SHC2: variants seen among roughly 807,000 people sequenced by gnomAD.
The protein encoded by SHC2 is SHC adaptor protein 2.
A neutral mutation model predicts 60.6 loss-of-function variants in SHC2; 62 were observed. The ratio of observed to expected loss-of-function variants is 1.02; its 90% confidence interval spans 0.83 to 1.26. The LOEUF (loss-of-function observed/expected upper bound fraction) is 1.26. SHC2 is among the 50% of genes most tolerant of loss of function. The probability of loss-of-function intolerance (pLI) is 0.00; values close to 1 mark genes in which losing one functional copy is unlikely to be tolerated. For synonymous variants in SHC2, 375 were observed against 372.4 expected (o/e 1.01, Z -0.08); for missense variants, 873 against 822.2 (o/e 1.06, Z -0.76).
rs542114526 is a variant in SHC2, at chr19:459,558, C to G, written c.468+971G>C. On this transcript the variant is annotated intron_variant, in intron 1 of 12. Coordinates refer to ENST00000264554, the MANE Select transcript of SHC2 (RefSeq NM_012435.3). ...GTAGAGGGAAGGACCCTACTGAACT[C>G]AGCGTAGGGGGAAGGACCCCACTGA... is the stretch of plus-strand genomic sequence containing the variant. Among the ~76,000 whole-genome samples, 179 of 148,252 alleles carry G rather than the reference C, an allele frequency of 1.2e-3. 3 individuals are homozygous for G. The highest frequency in any genetic ancestry group is 4.5e-3 in the African/African-American group (177 of 39,100).
chr19:428,040 G>T (rs1305942922), intron 9 of SHC2, among the ~76,000 whole-genome samples: 1 of 152,136 alleles, frequency 6.6e-6, no homozygotes, highest in Non-Finnish European at 1.5e-5. Flanking sequence ...ATCAGCCTGG[G>T]AAACAGTGAG....
rs951428562 is a variant in SHC2, at chr19:438,571, C to T, written c.720+147G>A. 11 of 978,408 alleles carry T rather than the reference C, an allele frequency of 1.1e-5. No homozygotes were observed. The African/African-American group carries it at 1.8e-4, about 16-fold the overall frequency. The allele number at this position is 978,408 out of a possible 1,614,324, so 60.6% of individuals were successfully genotyped here. A position where few individuals can be genotyped will look rare whatever the true frequency, so the allele number is the denominator to read the frequency against. On this transcript the variant is annotated intron_variant, in intron 4 of 12. Transcript: ENST00000264554. This position sits in a 1 kb window ranked among gnomAD's most constrained non-coding sequence, Gnocchi z 5.0. ...GCCCCGTGAGGGCAGTGGCTGCACCCCCAGCTCCTGCTCAGCGGGGCCTCG... is the reference window on the plus strand; with the variant it reads ...GCCCCGTGAGGGCAGTGGCTGCACCTCCAGCTCCTGCTCAGCGGGGCCTCG...
At chr19:423,582 C>G (rs1974334363) in intron 10 of SHC2, among the ~76,000 whole-genome samples, 1 of 61,644 alleles carries the variant, frequency 1.6e-5, no homozygotes, top group East Asian at 5.0e-4. Context: ...TCCCTGGTCT[C>G]CCGCCCCTCC....
chr19:451,770 G>C (rs1975205144), intron 1 of SHC2, among the ~76,000 whole-genome samples: 2 of 152,024 alleles, frequency 1.3e-5, no homozygotes, highest in African/African-American at 4.8e-5. Context: ...GCCAATTTTT[G>C]TATTTTTAGT....
At chr19:434,926 G>A (rs1330249549) in intron 7 of SHC2, 61 bp from the exon 8 acceptor site, 11 of 1,518,732 alleles carry the variant, frequency 7.2e-6, no homozygotes, top group East Asian at 4.7e-5. Context: ...AAAGCCTTAC[G>A]GCTTGAGCTT....
intron 9 of SHC2, among the ~76,000 whole-genome samples, chr19:429,080 G>A (rs1358458278): frequency 6.9e-6 from 1 of 145,424 alleles, no homozygotes; most frequent in Non-Finnish European, 1.5e-5. Flanking sequence ...ACCTCATACC[G>A]TGTGGATGAT....
At position 460,532 on chromosome 19, in the gene SHC2, C is replaced by T. The variant is rs763649322; in HGVS notation, c.465G>A (p.Val155=). The stretch of plus-strand genomic sequence containing the variant: ...GGGGGGGGTGGGGGGGACTCACCCG[C>T]ACGACGTAGGAGACCCCGGGCCCCA... The part of the protein sequence containing the change: ...RVLGPGVSYV[V]RYMGCIEVLR... Residue 155 remains valine (V), a synonymous_variant, in exon 1 of 13, where the codon GTG becomes GTA. Transcript: ENST00000264554. 8.8e-6 allele frequency: 12 copies of T among 1,361,628 alleles called. No individual in the cohort carries two copies. In the South Asian group the frequency reaches 1.8e-4, roughly 20 times the overall value. 84.3% of individuals were successfully genotyped at this position (1,361,628 alleles called of 1,614,324 possible). A position where few individuals can be genotyped will look rare whatever the true frequency, so the allele number is the denominator to read the frequency against.
intron 1 of SHC2, 62 bp downstream of exon 1, chr19:460,467 G>A (rs1212226146): frequency 3.4e-6 from 3 of 875,316 alleles, no homozygotes; most frequent in Non-Finnish European, 4.4e-6. Context: ...GGTCCCGGAG[G>A]AGAGGGTGGG....
rs764768477 is a variant in SHC2, at chr19:440,234, G to A, written c.539+628C>T. 3.6e-4 allele frequency among the ~76,000 whole-genome samples: 54 copies of A among 151,894 alleles called. No homozygotes were observed. Among genetic ancestry groups the A allele is most frequent in the Non-Finnish European group, 7.1e-4 (48 of 67,964 alleles). On this transcript the variant is annotated intron_variant, in intron 2 of 12. Coordinates refer to ENST00000264554, the MANE Select transcript of SHC2 (RefSeq NM_012435.3). The surrounding 1 kb of genome is among the most constrained non-coding windows in gnomAD (Gnocchi z 7.0). ...GCTGGGGAGGGGACGGGGAGTGGCT[G>A]TGATGGGGACGGGGTGTTTTGATGG...
rs1007170799 is a variant in SHC2 at position 450,812 on chromosome 19, ACGT to A, written c.468+9714_468+9716del. ...GCATGTGGATGGCCACGCCGTGGCC[ACGT>A]CATATTTCAGTGTGTGGATGGCCAC... On this transcript the variant is annotated intron_variant, in intron 1 of 12. Coordinates refer to ENST00000264554, the MANE Select transcript of SHC2 (RefSeq NM_012435.3). Among the ~76,000 whole-genome samples the A allele has an allele frequency of 7.3e-4, 109 of 149,632 alleles. 3 individuals carry two copies. The highest frequency in any genetic ancestry group is 2.6e-3 in the African/African-American group (106 of 40,418).
intron 1 of SHC2, among the ~76,000 whole-genome samples, chr19:442,912 C>T (rs147887807): frequency 0.014 from 50 of 3,686 alleles, no homozygotes; most frequent in East Asian, 0.021. Flanking sequence ...GATGGATGGA[C>T]GGGTGGGTGG....
At chr19:419,094 C>A (rs761972076) in intron 11 of SHC2, 38 bp from the exon 12 acceptor site, 42 of 1,539,736 alleles carry the variant, frequency 2.7e-5, no homozygotes, top group Non-Finnish European at 3.6e-5. Context: ...TCCCGGGAGC[C>A]CGCCTGGACC....
intron 1 of SHC2, among the ~76,000 whole-genome samples, chr19:455,924 G>A (rs1313501420): frequency 4.7e-5 from 7 of 150,532 alleles, no homozygotes; most frequent in African/African-American, 1.2e-4. Flanking sequence ...GTCCCCTGTC[G>A]CCGTGTGAGG....
rs1243685056 is a variant in SHC2 at position 453,869 on chromosome 19, G to A, written c.468+6660C>T. Among the ~76,000 whole-genome samples the A allele has an allele frequency of 6.6e-6, 1 of 152,220 alleles. No individual in the cohort carries two copies. Among genetic ancestry groups the A allele is most frequent in the Non-Finnish European group, 1.5e-5 (1 of 68,044 alleles). On this transcript the variant is annotated intron_variant, in intron 1 of 12. Coordinates refer to ENST00000264554, the MANE Select transcript of SHC2 (RefSeq NM_012435.3). The surrounding 1 kb of genome is among the most constrained non-coding windows in gnomAD (Gnocchi z 6.3). ...CTCCCTGAAGTGCTCACGAGGTGAGGTGCGTGAGGGCACCGCAGAGAGCAG... is the reference window on the plus strand; with the variant it reads ...CTCCCTGAAGTGCTCACGAGGTGAGATGCGTGAGGGCACCGCAGAGAGCAG...
intron 1 of SHC2, among the ~76,000 whole-genome samples, chr19:449,388 T>C (rs1400074152): frequency 6.6e-6 from 1 of 151,632 alleles, no homozygotes; most frequent in African/African-American, 2.4e-5. Context: ...GCAGGATGGC[T>C]AAATGCAATG....
At position 438,158 on chromosome 19, in the gene SHC2, A is replaced by AT. The variant is rs1296288212; in HGVS notation, c.720+559dup. On this transcript the variant is annotated intron_variant, in intron 4 of 12. Coordinates refer to ENST00000264554, the MANE Select transcript of SHC2 (RefSeq NM_012435.3). The surrounding 1 kb of genome is among the most constrained non-coding windows in gnomAD (Gnocchi z 5.0). ...ACCACCACACCCGGCTAATCTTTGT[A>AT]TTTTTTGTAGAGTCAGCCATGTTGG... Among the ~76,000 whole-genome samples the AT allele has an allele frequency of 1.3e-5, 2 of 151,846 alleles. No individual in the cohort carries two copies. The highest frequency in any genetic ancestry group is 3.9e-4 in the East Asian group (2 of 5,144).
Position 425,021 on chromosome 19 carries a change from G to A in SHC2, c.1309+76C>T, listed in dbSNP as rs1185062172. 2 of 1,308,780 alleles carry A rather than the reference G, an allele frequency of 1.5e-6. No homozygotes were observed. Among genetic ancestry groups the A allele is most frequent in the African/African-American group, 1.5e-5 (1 of 66,006 alleles). 81.1% of individuals were successfully genotyped at this position (1,308,780 alleles called of 1,614,324 possible). A position where few individuals can be genotyped will look rare whatever the true frequency, so the allele number is the denominator to read the frequency against. ...CAGACCAGGGAATCCCGTAGGGAGTGGGGGTGGGGTTGTGCCTCCCCCATC... is the reference window on the plus strand; with the variant it reads ...CAGACCAGGGAATCCCGTAGGGAGTAGGGGTGGGGTTGTGCCTCCCCCATC... On this transcript the variant is annotated intron_variant, in intron 10 of 12. Coordinates refer to ENST00000264554, the MANE Select transcript of SHC2 (RefSeq NM_012435.3). This position sits in a 1 kb window ranked among gnomAD's most constrained non-coding sequence, Gnocchi z 4.1.
chr19:451,415 G>A (rs1975193434), intron 1 of SHC2, among the ~76,000 whole-genome samples: 1 of 152,224 alleles, frequency 6.6e-6, no homozygotes, highest in Non-Finnish European at 1.5e-5. Context: ...TGGCCATGCT[G>A]TGTTGATCCA....
At chr19:437,667 A>AC (rs534668957) in intron 4 of SHC2, among the ~76,000 whole-genome samples, 13 of 150,100 alleles carry the variant, frequency 8.7e-5, no homozygotes, top group Admixed American at 4.0e-4. Flanking sequence ...GCCCTCAGTC[A>AC]CCCCCCCGCC....
Sources: allele counts gnomAD v4.1 joint callset (sites outside exome capture counted in the v4.1 genomes callset), GRCh38; gene constraint gnomAD v4.1.1; non-coding constraint Gnocchi (gnomAD v3.1); transcripts MANE v1.5; gene names NCBI Gene and HGNC (gene_info 2026-07-23, HGNC 2026-07-21).